The following DNAAF8 variants were observed in gnomAD, a reference collection of about 807,000 sequenced individuals.
The protein encoded by DNAAF8 is dynein axonemal assembly factor 8, also known as dynein axonemal-associated protein 1.
In DNAAF8, 61 loss-of-function variants were observed where a neutral mutation model predicts 54.6. That is an observed-to-expected ratio of 1.12 (90% CI 0.91 to 1.38). The LOEUF (loss-of-function observed/expected upper bound fraction) is 1.38. DNAAF8 is among the 40% of genes most tolerant of loss of function. DNAAF8 has a pLI of 0.00. For synonymous variants in DNAAF8, 320 were observed against 270.1 expected (o/e 1.18, Z -1.81); for missense variants, 837 against 665.0 (o/e 1.26, Z -2.85).
At chr16:4,745,725 C>A (rs1295835087) in intron 6 of DNAAF8, among the ~76,000 whole-genome samples, 2 of 152,102 alleles carry the variant, frequency 1.3e-5, no homozygotes, top group Admixed American at 1.3e-4. Flanking sequence ...CCGAGGCAGG[C>A]AGATCACCTG....
intron 3 of DNAAF8, among the ~76,000 whole-genome samples, chr16:4,738,634 G>C (rs2081922567): frequency 2.0e-5 from 3 of 152,152 alleles, no homozygotes; most frequent in Admixed American, 2.0e-4. Flanking sequence ...TGTAATCCCA[G>C]CATTTTAGGA....
chr16:4,744,165 T>G (rs1199978616), intron 5 of DNAAF8, among the ~76,000 whole-genome samples: 1 of 152,084 alleles, frequency 6.6e-6, no homozygotes, highest in African/African-American at 2.4e-5. Flanking sequence ...ACTCCTGACC[T>G]CAGGATCCGC....
chr16:4,738,765 C>T (rs1348758779), intron 3 of DNAAF8, among the ~76,000 whole-genome samples: 1 of 152,088 alleles, frequency 6.6e-6, no homozygotes, highest in African/African-American at 2.4e-5. Flanking sequence ...TGCCTGTAAT[C>T]GCAGCTACTC....
intron 1 of DNAAF8, among the ~76,000 whole-genome samples, chr16:4,735,583 A>T (rs961745977): frequency 2.6e-5 from 4 of 151,594 alleles, no homozygotes; most frequent in African/African-American, 9.7e-5. Context: ...TAACAGGACC[A>T]TCTCCTTTAA....
intron 5 of DNAAF8, chr16:4,743,368 G>C: frequency 4.3e-6 from 2 of 468,298 alleles, no homozygotes; most frequent in Admixed American, 4.6e-5. Flanking sequence ...TACGTGCCAG[G>C]CGTGGGCCAG....
chr16:4,745,612 C>A (rs1056257940), intron 6 of DNAAF8, among the ~76,000 whole-genome samples: 1 of 152,156 alleles, frequency 6.6e-6, no homozygotes, highest in Non-Finnish European at 1.5e-5. Flanking sequence ...TTCACCTGAC[C>A]AGCAGTGGGT....
At chr16:4,738,751 C>T (rs541185712) in intron 3 of DNAAF8, among the ~76,000 whole-genome samples, 2 of 152,220 alleles carry the variant, frequency 1.3e-5, no homozygotes, top group Admixed American at 6.5e-5. Context: ...GGCATGGTGG[C>T]AGGTGCCTGT....
chr16:4,743,982 T>C (rs1473469558), intron 5 of DNAAF8: 1 of 146,682 alleles, frequency 6.8e-6, no homozygotes, highest in Non-Finnish European at 1.5e-5. Flanking sequence ...CAAACTGGAG[T>C]GCAATGGCAC....
At chr16:4,735,464 T>G (rs116221720) in intron 1 of DNAAF8, among the ~76,000 whole-genome samples, 2,155 of 152,178 alleles carry the variant, frequency 0.014, 62 homozygotes, top group African/African-American at 0.049. Context: ...GGGCACTGAC[T>G]GCAGGGCCAA....
At chr16:4,742,269 G>C (rs184933769) in intron 4 of DNAAF8, among the ~76,000 whole-genome samples, 1 of 152,008 alleles carries the variant, frequency 6.6e-6, no homozygotes, top group African/African-American at 2.4e-5. Flanking sequence ...ACAACACAGG[G>C]TTTGGCTGGG....
At chr16:4,744,842 A>C (rs2081993151) in intron 5 of DNAAF8, 28 bp from the exon 6 acceptor site, 3 of 1,602,048 alleles carry the variant, frequency 1.9e-6, no homozygotes, top group African/African-American at 1.3e-5. Context: ...AGTCCCCACT[A>C]ATCAGCCTCT....
chr16:4,742,600 A>T (rs2142207384), intron 4 of DNAAF8, among the ~76,000 whole-genome samples: 1 of 151,724 alleles, frequency 6.6e-6, no homozygotes, highest in Non-Finnish European at 1.5e-5. Context: ...CATGCCTGTA[A>T]TTCCAGCTAC....
intron 5 of DNAAF8, among the ~76,000 whole-genome samples, chr16:4,744,143 G>A (rs1191045687): frequency 6.6e-6 from 1 of 152,124 alleles, no homozygotes; most frequent in East Asian, 1.9e-4. Context: ...ATGTTAGCCA[G>A]GCTGGTCTCG....
chr16:4,735,318 G>A (rs1405497919), intron 1 of DNAAF8: 1 of 152,256 alleles, frequency 6.6e-6, no homozygotes, highest in African/African-American at 2.4e-5. Context: ...CCCGCTGGCT[G>A]TGTGCACCAG....
At chr16:4,748,260 G>GT (rs2082044292) in intron 9 of DNAAF8, 1 of 139,528 alleles carries the variant, frequency 7.2e-6, no homozygotes, top group Non-Finnish European at 1.5e-5. Flanking sequence ...GTCTCACGGT[G>GT]TTGCCCAGGT....
Position 4,740,401 on chromosome 16 carries a change from C to G in DNAAF8, c.525C>G (p.Ser175=). 6.2e-7 allele frequency: 1 copy of G among 1,614,056 alleles called. No homozygotes were observed. Among genetic ancestry groups the G allele is most frequent in the African/African-American group, 1.3e-5 (1 of 75,050 alleles). Residue 175 remains serine, a synonymous_variant, in exon 4 of 10, where the codon TCC becomes TCG. Transcript: ENST00000299320. ...PWDPQAEATL[S]CHEGDPKAEP... The stretch of plus-strand genomic sequence containing the variant: ...ACCCACAGGCCGAAGCCACTCTCTC[C>G]TGCCATGAAGGAGACCCAAAGGCAG...
intron 5 of DNAAF8, among the ~76,000 whole-genome samples, chr16:4,744,588 C>T (rs918626682): frequency 6.6e-6 from 1 of 151,582 alleles, no homozygotes; most frequent in Admixed American, 6.6e-5. Context: ...ACAAGTGGGA[C>T]CGGGGTGTGA....
intron 6 of DNAAF8, 28 bp downstream of exon 6, chr16:4,745,039 T>C (rs773778649): frequency 1.2e-6 from 2 of 1,605,674 alleles, no homozygotes; most frequent in Non-Finnish European, 1.7e-6. Context: ...GCCCGGCTCC[T>C]GTGGTCCTTT....
At chr16:4,746,568 G>C (rs1324258708) in intron 7 of DNAAF8, 56 bp downstream of exon 7, 31 of 1,558,540 alleles carry the variant, frequency 2.0e-5, no homozygotes, top group Non-Finnish European at 2.6e-5. Flanking sequence ...GTTGCCTGTT[G>C]ACCGCACAGA....
Sources: allele counts gnomAD v4.1 joint callset (sites outside exome capture counted in the v4.1 genomes callset), GRCh38; gene constraint gnomAD v4.1.1; transcripts MANE v1.5; gene names NCBI Gene and HGNC (gene_info 2026-07-23, HGNC 2026-07-21).